CHD1: variants seen among roughly 807,000 people sequenced by gnomAD.
The protein encoded by CHD1 is ATP-dependent chromatin remodeler CHD1.
A neutral mutation model predicts 224.2 loss-of-function variants in CHD1; 36 were observed. The ratio of observed to expected loss-of-function variants is 0.16; its 90% CI spans 0.12 to 0.21. The LOEUF (loss-of-function observed/expected upper bound fraction) is 0.21, where lower values mean the gene tolerates loss of function less well. Among genes scored for constraint, CHD1 ranks in the 10% least tolerant of loss-of-function variants. The pLI is 1.00. For synonymous variants in CHD1, 668 were observed against 658.3 expected (o/e 1.01, Z -0.23); for missense variants, 1,378 against 1,994.8 (o/e 0.69, Z 5.89).
chr5:98,877,900 A>G (rs1339848231), intron 23 of CHD1, among the ~76,000 whole-genome samples: 3 of 152,210 alleles, frequency 2.0e-5, no homozygotes, highest in Non-Finnish European at 4.4e-5. Context: ...TCTGATGTAC[A>G]AAATCATAAT....
At chr5:98,871,924 AAG>A (rs1167423721) in intron 28 of CHD1, 125 bp downstream of exon 28, 1 of 742,256 alleles carries the variant, frequency 1.3e-6, no homozygotes, top group African/African-American at 1.8e-5. Flanking sequence ...TAAACGCACC[AAG>A]GTCACACAAC....
chr5:98,918,306 G>A (rs553800269), intron 2 of CHD1, among the ~76,000 whole-genome samples: 2 of 151,114 alleles, frequency 1.3e-5, no homozygotes, highest in African/African-American at 2.4e-5. Flanking sequence ...TGATCCACCC[G>A]ACTCGGCCTC....
chr5:98,881,480 TGAA>T (rs1443761344), intron 20 of CHD1, 105 bp from the exon 21 acceptor site: 4 of 573,012 alleles, frequency 7.0e-6, no homozygotes, highest in African/African-American at 6.0e-5. Context: ...AACAGTTACA[TGAA>T]GAAGTTAGAC....
chr5:98,900,988 C>G lies in CHD1; in HGVS notation c.682G>C (p.Asp228His). Residue 228 changes from aspartate to histidine, a missense_variant, in exon 7 of 36, where the codon GAT becomes CAT. Coordinates refer to ENST00000614616, the MANE Select transcript of CHD1 (RefSeq NM_001270.4). ...EDDDEEDYDNDKRSSRRQATV... is the reference protein window; with the variant it reads ...EDDDEEDYDNHKRSSRRQATV... ...GCTTGGCGACGAGAACTTCTTTTAT[C>G]ATTATCATAATCTTCTTCATCATCA... 6.2e-7 allele frequency: 1 copy of G among 1,613,952 alleles called. No homozygotes were observed. The highest frequency in any genetic ancestry group is 8.5e-7 in the Non-Finnish European group (1 of 1,179,942).
At chr5:98,904,862 G>A in intron 3 of CHD1, 35 bp downstream of exon 3, 1 of 1,595,494 alleles carries the variant, frequency 6.3e-7, no homozygotes, top group South Asian at 1.1e-5. Flanking sequence ...AGTAATACAA[G>A]CAATCTACCT....
intron 34 of CHD1, 150 bp from the exon 35 acceptor site, chr5:98,858,540 T>C: frequency 1.6e-6 from 1 of 629,512 alleles, no homozygotes; most frequent in East Asian, 2.7e-5. Flanking sequence ...AAATGGTGTA[T>C]AAAAGCAGTA....
chr5:98,874,214 A>G (rs1749573344), intron 25 of CHD1, among the ~76,000 whole-genome samples: 1 of 152,154 alleles, frequency 6.6e-6, no homozygotes, highest in Non-Finnish European at 1.5e-5. Context: ...GGGATTTTTT[A>G]AGAGTAAAAA....
intron 24 of CHD1, 80 bp from the exon 25 acceptor site, chr5:98,875,193 A>G: frequency 1.3e-6 from 1 of 795,668 alleles, no homozygotes; most frequent in Non-Finnish European, 2.1e-6. Flanking sequence ...TTACAGATAT[A>G]AGAAAATACT....
Position 98,859,997 on chromosome 5 carries a change from G to T in CHD1, c.4499C>A (p.Ala1500Asp). 2 of 1,530,080 alleles carry T rather than the reference G, an allele frequency of 1.3e-6. No homozygotes were observed. Among genetic ancestry groups the T allele is most frequent in the Non-Finnish European group, 8.8e-7 (1 of 1,133,908 alleles). 94.8% of individuals were successfully genotyped at this position (1,530,080 alleles called of 1,614,324 possible). A position where few individuals can be genotyped will look rare whatever the true frequency, so the allele number is the denominator to read the frequency against. The change falls in exon 33 of 36, where the codon GCT becomes GAT. Residue 1500 changes from alanine (A) to aspartate (D), a missense_variant. Physicochemically the swap from Ala to Asp is moderately radical, Grantham distance 126 (BLOSUM62 -2). Transcript: ENST00000614616. ...CTGAGACTCCTGCCGTTTTTTAATAGCATGCTTATATAATTTATGTAATTT... is the reference window on the plus strand; with the variant it reads ...CTGAGACTCCTGCCGTTTTTTAATATCATGCTTATATAATTTATGTAATTT... ...ARKLHKLYKH[A>D]IKKRQESQQN...
chr5:98,859,075 CA>C (rs2112447011), intron 33 of CHD1, 60 bp from the exon 34 acceptor site: 1 of 1,320,132 alleles, frequency 7.6e-7, no homozygotes, highest in African/African-American at 1.5e-5. Flanking sequence ...TACAAAAAAG[CA>C]CAGATAATTC....
At position 98,900,708 on chromosome 5, in the gene CHD1, C is replaced by A. The variant is rs451883; in HGVS notation, c.859+103G>T. 0.013 allele frequency: 12,869 copies of A among 1,024,742 alleles called. 1,136 individuals carry two copies. The African/African-American group carries it at 0.19, about 15-fold the overall frequency. 63.5% of individuals were successfully genotyped at this position (1,024,742 alleles called of 1,614,324 possible). A position where few individuals can be genotyped will look rare whatever the true frequency, so the allele number is the denominator to read the frequency against. On this transcript the variant is annotated intron_variant, in intron 7 of 35. Transcript: ENST00000614616. ...AACTCCTGATCCATCGGCCTCGGCC[C>A]CCCAAAGTACTGGGATTACAGGGGC...
At chr5:98,902,149 A>C (rs1751759957) in intron 5 of CHD1, among the ~76,000 whole-genome samples, 1 of 152,102 alleles carries the variant, frequency 6.6e-6, no homozygotes, top group Admixed American at 6.6e-5. Context: ...TGGAAAAAAA[A>C]CTGGATGATC....
chr5:98,859,546 T>C (rs1199260309), intron 33 of CHD1, among the ~76,000 whole-genome samples: 1 of 152,134 alleles, frequency 6.6e-6, no homozygotes, highest in African/African-American at 2.4e-5. Flanking sequence ...AGAATATCCG[T>C]CAAGTAGGGC....
chr5:98,903,284 G>C (rs1224698191), intron 4 of CHD1, among the ~76,000 whole-genome samples: 1 of 151,940 alleles, frequency 6.6e-6, no homozygotes, highest in Non-Finnish European at 1.5e-5. Flanking sequence ...GCCAAATTTT[G>C]AATTTTTTCT....
At chr5:98,907,588 C>CAAAAAAAAAAAAAAAAAA (rs34839165) in intron 2 of CHD1, among the ~76,000 whole-genome samples, 1 of 87,522 alleles carries the variant, frequency 1.1e-5, no homozygotes, top group Non-Finnish European at 2.3e-5. Context: ...AACTCCATCT[C>CAAAAAAAAAAAAAAAAAA]AAAAAAAAAA....
chr5:98,863,709 G>A (rs1050758860), intron 31 of CHD1, 123 bp from the exon 32 acceptor site: 7 of 606,756 alleles, frequency 1.2e-5, no homozygotes, highest in Non-Finnish European at 1.9e-5. Flanking sequence ...AGCAAAATAA[G>A]CAATTAAATC....
chr5:98,911,038 AAAT>A (rs1752355732), intron 2 of CHD1, among the ~76,000 whole-genome samples: 1 of 150,746 alleles, frequency 6.6e-6, no homozygotes, highest in Non-Finnish European at 1.5e-5. Context: ...CTGCACACTT[AAAT>A]AAACTACAGC....
chr5:98,884,530 C>T lies in CHD1; in HGVS notation c.2568+1048G>A, dbSNP rs1166434805. ...GAGGGAAAGGGTAGGAGGGGGTGAGCGATAAAAGACTACAAATTTGGTTCA... is the reference window on the plus strand; with the variant it reads ...GAGGGAAAGGGTAGGAGGGGGTGAGTGATAAAAGACTACAAATTTGGTTCA... On this transcript the variant is annotated intron_variant, in intron 18 of 35. Coordinates refer to ENST00000614616, the MANE Select transcript of CHD1 (RefSeq NM_001270.4). 5.9e-5 allele frequency among the ~76,000 whole-genome samples: 9 copies of T among 151,900 alleles called. No homozygotes were observed. The East Asian group carries it at 1.3e-3, about 23-fold the overall frequency.
At chr5:98,925,223 C>T (rs1194650460) in intron 2 of CHD1, among the ~76,000 whole-genome samples, 1 of 152,072 alleles carries the variant, frequency 6.6e-6, no homozygotes, top group Non-Finnish European at 1.5e-5. Flanking sequence ...ATTTTAAGCC[C>T]TTTACATGAA....
Sources: allele counts gnomAD v4.1 joint callset (sites outside exome capture counted in the v4.1 genomes callset), GRCh38; gene constraint gnomAD v4.1.1; transcripts MANE v1.5; gene names NCBI Gene and HGNC (gene_info 2026-07-23, HGNC 2026-07-21).